The following PROZ variants were observed in gnomAD, a reference collection of about 807,000 sequenced individuals.
PROZ encodes the protein vitamin K-dependent protein Z.
PROZ carries 46 observed loss-of-function variants against 34.9 expected under a neutral mutation model. The ratio of observed to expected loss-of-function variants is 1.32; its 90% CI spans 1.04 to 1.69. PROZ has a LOEUF of 1.69. PROZ is among the 40% of genes most tolerant of loss of function. PROZ has a pLI of 0.00. For missense variants in PROZ, 530 were observed against 520.4 expected, an observed-to-expected ratio of 1.02 and a Z score of -0.18; for synonymous variants, 195 against 208.5, an observed-to-expected ratio of 0.94 and a Z score of 0.56.
rs199645640 is a variant in PROZ, at chr13:113,171,764, G to A, written c.862G>A (p.Ala288Thr). The A allele has an allele frequency of 4.8e-5, 78 of 1,611,960 alleles. 1 individual carries two copies. Among genetic ancestry groups the A allele is most frequent in the African/African-American group, 4.8e-4 (36 of 74,886 alleles). ...LPVCTPEKDF[A>T]EHLLIPRTRG... is the part of the protein sequence containing the mutation. Reference sequence around the variant, plus strand: ...CGTGTGCACCCCTGAGAAAGACTTCGCTGAGCACCTCCTCATCCCACGCAC... The same window carrying A: ...CGTGTGCACCCCTGAGAAAGACTTCACTGAGCACCTCCTCATCCCACGCAC... Residue 288 changes from alanine to threonine, a missense_variant, in exon 8 of 8, where the codon GCT (alanine) becomes ACT (threonine). Ala to Thr is a moderately conservative substitution (Grantham distance 58, BLOSUM62 0). Coordinates refer to ENST00000375547, the MANE Select transcript of PROZ (RefSeq NM_003891.3). The surrounding 1 kb of genome is among the most constrained non-coding windows in gnomAD (Gnocchi z 5.1).
chr13:113,172,240 C>G lies in PROZ; in HGVS notation c.*135C>G. On this transcript the variant is annotated 3_prime_UTR_variant, in exon 8 of 8. Transcript: ENST00000375547. ...AGCCCCAGACCACCCGCTTGGCCCACGCAGCAGCAGAGCCGCCGTTTGCTG... is the reference window on the plus strand; with the variant it reads ...AGCCCCAGACCACCCGCTTGGCCCAGGCAGCAGCAGAGCCGCCGTTTGCTG... 2.3e-6 allele frequency: 3 copies of G among 1,279,686 alleles called. No homozygotes were observed. The Admixed American group carries it at 5.9e-5, about 25-fold the overall frequency. The allele number at this position is 1,279,686 out of a possible 1,614,324, so 79.3% of individuals were successfully genotyped here.
intron 3 of PROZ, among the ~76,000 whole-genome samples, chr13:113,161,258 C>T (rs2036754852): frequency 6.6e-6 from 1 of 152,248 alleles, no homozygotes; most frequent in Admixed American, 6.5e-5. Context: ...GAGGGCCCCC[C>T]CAGAGCAGCT....
In PROZ at chr13:113,164,637, G is replaced by A. The variant is rs764810589; in HGVS notation, c.498G>A (p.Val166=). 1.2e-6 allele frequency: 2 copies of A among 1,613,666 alleles called. No individual in the cohort carries two copies. Among genetic ancestry groups the A allele is most frequent in the South Asian group, 2.2e-5 (2 of 91,066 alleles). ...TTGGTGAGGACCACAAACAGTGTGT[G>A]CCCCACGGTGAGTGCTCAGACCACA... ...YRLGEDHKQC[V]PHDQCACGVL... The change falls in exon 5 of 8, where the codon GTG becomes GTA. Residue 166 remains valine, a synonymous_variant. Coordinates refer to ENST00000375547, the MANE Select transcript of PROZ (RefSeq NM_003891.3).
At position 113,159,399 on chromosome 13, in the gene PROZ, C is replaced by G. The variant is rs1381009989; in HGVS notation, c.71-615C>G. The G allele has an allele frequency of 1.3e-5, 12 of 904,000 alleles. No individual in the cohort carries two copies. The highest frequency in any genetic ancestry group is 1.9e-5 in the Non-Finnish European group (11 of 585,958). The allele number at this position is 904,000 out of a possible 1,614,324, so 56.0% of individuals were successfully genotyped here. Reference sequence around the variant, plus strand: ...GTAGCCGGACTTAGCTGAGCCCCCCCTGCTGTAACCCTCAGCACCGAGAGA... The same window carrying G: ...GTAGCCGGACTTAGCTGAGCCCCCCGTGCTGTAACCCTCAGCACCGAGAGA... On this transcript the variant is annotated intron_variant, in intron 1 of 7. Transcript: ENST00000375547. This position sits in a 1 kb window ranked among gnomAD's most constrained non-coding sequence, Gnocchi z 4.6.
At chr13:113,169,809 TA>T (rs2037055667) in intron 6 of PROZ, among the ~76,000 whole-genome samples, 1 of 152,228 alleles carries the variant, frequency 6.6e-6, no homozygotes. Flanking sequence ...TACCCGGCCA[TA>T]ATTAGTCTCC....
chr13:113,162,916 T>G, intron 3 of PROZ, 93 bp from the exon 4 acceptor site: 1 of 528,806 alleles, frequency 1.9e-6, no homozygotes, highest in Non-Finnish European at 3.2e-6. Flanking sequence ...CTCCTCCTGC[T>G]CAGGTCCCCA....
Position 113,172,379 on chromosome 13 carries a change from A to G in PROZ, c.*274A>G. ...AATAAAATAAGATAATCTGTCAGTC[A>G]TAAAGCAGCCTGGTTTCCAGAAATT... On this transcript the variant is annotated 3_prime_UTR_variant, in exon 8 of 8. Coordinates refer to ENST00000375547, the MANE Select transcript of PROZ (RefSeq NM_003891.3). 2.2e-6 allele frequency: 1 copy of G among 460,110 alleles called. No individual in the cohort carries two copies. Among genetic ancestry groups the G allele is most frequent in the Non-Finnish European group, 4.0e-6 (1 of 251,240 alleles). The allele number at this position is 460,110 out of a possible 1,614,324, so 28.5% of individuals were successfully genotyped here.
rs749835158 is a variant in PROZ, at chr13:113,170,531, G to GT, written c.691+2dup. ...CACAGGAATATTACTGTAAAAACAT[G>GT]TAAGTATTTTATCATGAGTTTTTAT... On this transcript the variant is annotated splice_donor_variant, in intron 7 of 7. Transcript: ENST00000375547. LOFTEE classifies it high-confidence loss of function. 13 of 1,521,846 alleles carry GT rather than the reference G, an allele frequency of 8.5e-6. No homozygotes were observed. The highest frequency in any genetic ancestry group is 3.3e-5 in the Admixed American group (2 of 59,850). 94.3% of individuals were successfully genotyped at this position (1,521,846 alleles called of 1,614,324 possible).
chr13:113,169,664 G>C (rs576661997), intron 6 of PROZ, among the ~76,000 whole-genome samples: 1 of 152,372 alleles, frequency 6.6e-6, no homozygotes, highest in Middle Eastern at 3.4e-3. Flanking sequence ...GACTACTGAA[G>C]TGAAACCCTT....
intron 2 of PROZ, among the ~76,000 whole-genome samples, chr13:113,160,736 GT>G (rs1023188158): frequency 1.2e-4 from 19 of 152,090 alleles, no homozygotes; most frequent in Admixed American, 5.9e-4. Flanking sequence ...GTAAGCACAT[GT>G]TGAGTAATAT....
chr13:113,166,831 A>G (rs1309941942), intron 6 of PROZ, among the ~76,000 whole-genome samples: 1 of 152,130 alleles, frequency 6.6e-6, no homozygotes, highest in Non-Finnish European at 1.5e-5. Context: ...TACCACCTGC[A>G]GGCTGTCTCC....
intron 6 of PROZ, among the ~76,000 whole-genome samples, chr13:113,166,866 G>A (rs1225223375): frequency 6.6e-6 from 1 of 152,160 alleles, no homozygotes; most frequent in Non-Finnish European, 1.5e-5. Context: ...CCCAAGGGAA[G>A]AGAGGGTGCG....
intron 6 of PROZ, among the ~76,000 whole-genome samples, chr13:113,169,462 T>C (rs1375111952): frequency 6.6e-6 from 1 of 152,256 alleles, no homozygotes; most frequent in African/African-American, 2.4e-5. Context: ...TTTTCCTGTT[T>C]GTATGCCGTA....
rs1016868898 is a variant in PROZ, at chr13:113,171,187, C to T, written c.692-407C>T. ...ATCGACCTGCCTCGGCCTCCCGAAG[C>T]GCTGGGATTACAGATGTGAGCCACT... On this transcript the variant is annotated intron_variant, in intron 7 of 7. Transcript: ENST00000375547. This position sits in a 1 kb window ranked among gnomAD's most constrained non-coding sequence, Gnocchi z 5.1. Among the ~76,000 whole-genome samples the T allele has an allele frequency of 6.6e-6, 1 of 152,142 alleles. No individual in the cohort carries two copies. Among genetic ancestry groups the T allele is most frequent in the African/African-American group, 2.4e-5 (1 of 41,426 alleles).
rs2037122393 is a variant in PROZ, at chr13:113,171,885, G to C, written c.983G>C (p.Gly328Ala). The change falls in exon 8 of 8, where the codon GGG (glycine) becomes GCG (alanine). Residue 328 changes from glycine (G) to alanine (A), a missense_variant. Transcript: ENST00000375547. The surrounding 1 kb of genome is among the most constrained non-coding windows in gnomAD (Gnocchi z 5.1). ...PVTLVEGEEC[G>A]QVLNVTVTTR... ...ACACTTGTGGAGGGGGAGGAGTGCG[G>C]GCAGGTCCTGAATGTGACTGTCACC... 5.6e-6 allele frequency: 9 copies of C among 1,613,698 alleles called. No homozygotes were observed. Among genetic ancestry groups the C allele is most frequent in the Non-Finnish European group, 7.6e-6 (9 of 1,180,036 alleles).
chr13:113,160,154 G>C lies in PROZ; in HGVS notation c.211G>C (p.Val71Leu), dbSNP rs932977735. 6.2e-7 allele frequency: 1 copy of C among 1,614,178 alleles called. No individual in the cohort carries two copies. Among genetic ancestry groups the C allele is most frequent in the Non-Finnish European group, 8.5e-7 (1 of 1,180,038 alleles). ...CTGTGTCTATGAAGAAGCAAGAGAA[G>C]TGTTTGAAAATGAAGTAGTCACTGT... ...EICVYEEARE[V>L]FENEVVTDEF... The change falls in exon 2 of 8, where the codon GTG becomes CTG. Residue 71 changes from valine (V) to leucine (L), a missense_variant. Physicochemically the swap from Val to Leu is conservative, Grantham distance 32 (BLOSUM62 1). Coordinates refer to ENST00000375547, the MANE Select transcript of PROZ (RefSeq NM_003891.3).
At position 113,163,012 on chromosome 13, in the gene PROZ, GCTCCCCGTGCAT is replaced by G; in HGVS notation, c.269_280del (p.Pro90_Ser93del). The G allele has an allele frequency of 5.8e-6, 9 of 1,541,272 alleles. No individual in the cohort carries two copies. Among genetic ancestry groups the G allele is most frequent in the Non-Finnish European group, 7.9e-6 (9 of 1,138,922 alleles). ...AACCCCCATCCTCCTCCTGCAGGCGGCTCCCCGTGCATCTCCCAGCCCTGCCTCCACAACGGC... is the reference window on the plus strand; with the variant it reads ...AACCCCCATCCTCCTCCTGCAGGCGGCTCCCAGCCCTGCCTCCACAACGGC... On this transcript the variant is annotated inframe_deletion, in exon 4 of 8. Transcript: ENST00000375547.
intron 4 of PROZ, among the ~76,000 whole-genome samples, chr13:113,163,327 G>A (rs546679216): frequency 5.6e-4 from 86 of 152,216 alleles, no homozygotes; most frequent in Middle Eastern, 3.4e-3. Flanking sequence ...TGCATTCTGA[G>A]CTGCCCCTTC....
Position 113,172,257 on chromosome 13 carries a change from C to T in PROZ, c.*152C>T, listed in dbSNP as rs539169760. ...TTGGCCCACGCAGCAGCAGAGCCGCCGTTTGCTGGGTTGTTTACCGAGCAC... is the reference window on the plus strand; with the variant it reads ...TTGGCCCACGCAGCAGCAGAGCCGCTGTTTGCTGGGTTGTTTACCGAGCAC... On this transcript the variant is annotated 3_prime_UTR_variant, in exon 8 of 8. Coordinates refer to ENST00000375547, the MANE Select transcript of PROZ (RefSeq NM_003891.3). 13 of 1,070,700 alleles carry T rather than the reference C, an allele frequency of 1.2e-5. No individual in the cohort carries two copies. The highest frequency in any genetic ancestry group is 7.8e-5 in the African/African-American group (5 of 63,950). The allele number at this position is 1,070,700 out of a possible 1,614,324, so 66.3% of individuals were successfully genotyped here.
Sources: gnomAD v4.1 joint callset for allele counts (sites outside exome capture counted in the v4.1 genomes callset) on GRCh38, gnomAD v4.1.1 for gene constraint, Gnocchi (gnomAD v3.1) non-coding constraint, MANE v1.5 for transcripts, NCBI Gene and HGNC (gene_info 2026-07-23, HGNC 2026-07-21) for gene names.